The following SORCS2 variants were observed in gnomAD, a reference collection of about 807,000 sequenced individuals.
SORCS2 encodes the protein VPS10 domain-containing receptor SorCS2.
SORCS2 carries 100 observed loss-of-function variants against 141.6 expected under a neutral mutation model. The observed-to-expected ratio is 0.71, with a 90% CI of 0.60 to 0.83. SORCS2 has a LOEUF of 0.83. Ranked by LOEUF, SORCS2 falls within the 40% of genes least tolerant of loss-of-function variation. The pLI is 0.00. For missense variants in SORCS2, 1,646 were observed against 1,560.2 expected (o/e 1.05, Z -0.93); for synonymous variants, 789 against 676.9 (o/e 1.17, Z -2.57).
At position 7,232,399 on chromosome 4, in the gene SORCS2, G is replaced by A. The variant is rs901321776; in HGVS notation, c.480+39273G>A. Among the ~76,000 whole-genome samples the A allele has an allele frequency of 2.1e-4, 32 of 152,198 alleles. 1 individual carries two copies. Among genetic ancestry groups the A allele is most frequent in the Admixed American group, 1.7e-3 (26 of 15,286 alleles). On this transcript the variant is annotated intron_variant, in intron 1 of 26. Transcript: ENST00000507866. The stretch of plus-strand genomic sequence containing the variant: ...AGACTCCTAGGACCCAGGGCCCGGC[G>A]CCTGGACGCCGGAGAGCGCTAGTTA...
chr4:7,336,865 A>T (rs183485689), intron 1 of SORCS2, among the ~76,000 whole-genome samples: 1 of 152,242 alleles, frequency 6.6e-6, no homozygotes, highest in Admixed American at 6.5e-5. Flanking sequence ...CTGGGAACAG[A>T]AGGCCCTGGG....
Position 7,286,301 on chromosome 4 carries a change from A to G in SORCS2, c.480+93175A>G, listed in dbSNP as rs1031672074. The stretch of plus-strand genomic sequence containing the variant: ...TGTGGGAGCCTGGCCAGCTGGAGCC[A>G]CCGCTGGAGAGAGCAGGCCTGTTGT... On this transcript the variant is annotated intron_variant, in intron 1 of 26. Coordinates refer to ENST00000507866, the MANE Select transcript of SORCS2 (RefSeq NM_020777.3). This position sits in a 1 kb window ranked among gnomAD's most constrained non-coding sequence, Gnocchi z 4.1. Among the ~76,000 whole-genome samples, 1 of 152,160 alleles carries G rather than the reference A, an allele frequency of 6.6e-6. No homozygotes were observed. The highest frequency in any genetic ancestry group is 1.9e-4 in the East Asian group (1 of 5,186).
intron 2 of SORCS2, among the ~76,000 whole-genome samples, chr4:7,428,967 T>A (rs1316648899): frequency 6.6e-6 from 1 of 152,142 alleles, no homozygotes; most frequent in Non-Finnish European, 1.5e-5. Flanking sequence ...GTATGTCCAC[T>A]AGCAGGATTA....
intron 2 of SORCS2, among the ~76,000 whole-genome samples, chr4:7,527,240 C>G (rs1164854521): frequency 1.3e-5 from 2 of 152,266 alleles, no homozygotes; most frequent in Admixed American, 1.3e-4. Context: ...ATGCCTCCCA[C>G]AGACGTCCAC....
At chr4:7,382,350 C>A (rs1292371919) in intron 1 of SORCS2, among the ~76,000 whole-genome samples, 1 of 152,070 alleles carries the variant, frequency 6.6e-6, no homozygotes, top group Non-Finnish European at 1.5e-5. Flanking sequence ...ATATAACATC[C>A]CTGGTTGTAC....
intron 3 of SORCS2, among the ~76,000 whole-genome samples, chr4:7,538,587 TCA>T (rs34526550): frequency 0.59 from 89,369 of 150,598 alleles, 30,349 homozygotes; most frequent in East Asian, 0.86. Context: ...AATATTAAAA[TCA>T]CACACACACA....
In SORCS2 at chr4:7,265,120, C is replaced by T. The variant is rs187233570; in HGVS notation, c.480+71994C>T. Among the ~76,000 whole-genome samples, 361 of 152,318 alleles carry T rather than the reference C, an allele frequency of 2.4e-3. 1 individual carries two copies. Among genetic ancestry groups the T allele is most frequent in the Non-Finnish European group, 4.0e-3 (273 of 68,030 alleles). On this transcript the variant is annotated intron_variant, in intron 1 of 26. Transcript: ENST00000507866. ...GGGTGTGTTAATGTCCCGTGGCTGC[C>T]GTAACTAAGGACCACAGACTGGGTG... is the stretch of plus-strand genomic sequence containing the variant.
intron 3 of SORCS2, among the ~76,000 whole-genome samples, chr4:7,631,562 G>A (rs949718214): frequency 6.6e-6 from 1 of 152,190 alleles, no homozygotes; most frequent in Non-Finnish European, 1.5e-5. Context: ...CAGCCTGGGT[G>A]AGGGGCCCTC....
At chr4:7,345,128 C>T (rs1720584843) in intron 1 of SORCS2, among the ~76,000 whole-genome samples, 1 of 152,162 alleles carries the variant, frequency 6.6e-6, no homozygotes, top group African/African-American at 2.4e-5. Context: ...GTCACTCGTA[C>T]TATGCTGGGC....
At chr4:7,598,322 C>G (rs1717422165) in intron 3 of SORCS2, among the ~76,000 whole-genome samples, 1 of 152,154 alleles carries the variant, frequency 6.6e-6, no homozygotes, top group South Asian at 2.1e-4. Context: ...TGGCTTTGTC[C>G]TAGGCTGCCC....
At chr4:7,689,698 TTTAG>T in intron 11 of SORCS2, 110 bp downstream of exon 11, 1 of 972,048 alleles carries the variant, frequency 1.0e-6, no homozygotes, top group Non-Finnish European at 1.5e-6. Flanking sequence ...TAGTATGTCC[TTTAG>T]GAGGCAGTAC....
chr4:7,235,121 C>G (rs1057439590), intron 1 of SORCS2, among the ~76,000 whole-genome samples: 1 of 152,340 alleles, frequency 6.6e-6, no homozygotes. Context: ...GTGATTTCCC[C>G]TCCTGGAGCC....
intron 3 of SORCS2, among the ~76,000 whole-genome samples, chr4:7,565,838 GTGATGGTGA>G (rs56792662): frequency 0.58 from 78,873 of 136,160 alleles, 24,645 homozygotes; most frequent in East Asian, 0.89. Context: ...GATGATGATG[GTGATGGTGA>G]TGATGGTGAT....
rs60403055 is a variant in SORCS2 at position 7,403,997 on chromosome 4, ATTTTTTTTTTT to A, written c.548+7648_548+7658del. 5.6e-3 allele frequency among the ~76,000 whole-genome samples: 106 copies of A among 18,974 alleles called. 6 individuals carry two copies. Among genetic ancestry groups the A allele is most frequent in the Non-Finnish European group, 0.011 (88 of 8,030 alleles). The allele number at this position is 18,974 out of a possible 152,430, so 12.4% of individuals were successfully genotyped here. On this transcript the variant is annotated intron_variant, in intron 2 of 26. Coordinates refer to ENST00000507866, the MANE Select transcript of SORCS2 (RefSeq NM_020777.3). ...TATATATATATATATATATATATAT[ATTTTTTTTTTT>A]TTTTTAGTATCCATTTATGAGTGAG...
chr4:7,271,492 C>A (rs554690476), intron 1 of SORCS2, among the ~76,000 whole-genome samples: 1 of 152,332 alleles, frequency 6.6e-6, no homozygotes, highest in African/African-American at 2.4e-5. Flanking sequence ...ATATTTTAAT[C>A]CCACCTTCAC....
At chr4:7,717,591 G>A (rs1577111924) in intron 17 of SORCS2, among the ~76,000 whole-genome samples, 1 of 152,214 alleles carries the variant, frequency 6.6e-6, no homozygotes, top group East Asian at 1.9e-4. Context: ...CGGCCACACT[G>A]TGAGCCAGTG....
At chr4:7,620,848 G>A (rs1416803233) in intron 3 of SORCS2, among the ~76,000 whole-genome samples, 6 of 152,288 alleles carry the variant, frequency 3.9e-5, no homozygotes, top group South Asian at 2.1e-4. Context: ...CATTGTCTCC[G>A]ACCTGGACGG....
intron 1 of SORCS2, among the ~76,000 whole-genome samples, chr4:7,352,360 C>T (rs1203922796): frequency 3.9e-5 from 6 of 152,220 alleles, no homozygotes; most frequent in Admixed American, 6.5e-5. Flanking sequence ...TTCAGTTTTA[C>T]AATGAGGACA....
At chr4:7,317,729 CAT>C (rs1036119157) in intron 1 of SORCS2, among the ~76,000 whole-genome samples, 11 of 152,208 alleles carry the variant, frequency 7.2e-5, no homozygotes, top group African/African-American at 2.7e-4. Context: ...GAGGCAGTGA[CAT>C]GTGAATTTCA....
Sources: allele counts gnomAD v4.1 joint callset (sites outside exome capture counted in the v4.1 genomes callset), GRCh38; gene constraint gnomAD v4.1.1; non-coding constraint Gnocchi (gnomAD v3.1); transcripts MANE v1.5; gene names NCBI Gene and HGNC (gene_info 2026-07-23, HGNC 2026-07-21).